Variants in WDR49 observed in about 807,000 individuals in gnomAD.
The protein encoded by WDR49 is WD repeat domain 49.
Under a neutral mutation model 119.5 loss-of-function variants are expected in WDR49, and 107 were observed. That is an observed-to-expected ratio of 0.90 (90% CI 0.77 to 1.05). The LOEUF (loss-of-function observed/expected upper bound fraction) is 1.05. WDR49 is among the 50% of genes least tolerant of loss of function. The probability of loss-of-function intolerance (pLI) is 0.00; values close to 1 mark genes in which losing one functional copy is unlikely to be tolerated. For missense variants in WDR49, 1,240 were observed against 1,220.5 expected, an observed-to-expected ratio of 1.02 and a Z score of -0.24; for synonymous variants, 425 against 418.8, an observed-to-expected ratio of 1.01 and a Z score of -0.18.
chr3:167,618,432 CAA>C (rs1483797872), intron 5 of WDR49, among the ~76,000 whole-genome samples: 1 of 152,110 alleles, frequency 6.6e-6, no homozygotes, highest in Non-Finnish European at 1.5e-5. Flanking sequence ...GATTGACACT[CAA>C]GTCCATAATT....
intron 5 of WDR49, among the ~76,000 whole-genome samples, chr3:167,612,288 A>G (rs970633014): frequency 1.3e-5 from 2 of 152,094 alleles, no homozygotes; most frequent in African/African-American, 4.8e-5. Context: ...GAAACAAATG[A>G]TAATAGAAAA....
intron 8 of WDR49, among the ~76,000 whole-genome samples, chr3:167,560,721 C>T (rs1186123020): frequency 5.3e-5 from 8 of 151,272 alleles, no homozygotes; most frequent in Admixed American, 2.6e-4. Flanking sequence ...TAGTCCTTTG[C>T]TTTCTTTTTT....
At position 167,558,681 on chromosome 3, in the gene WDR49, G is replaced by T. The variant is rs186762943; in HGVS notation, c.1674+1383C>A. Among the ~76,000 whole-genome samples, 16 of 152,240 alleles carry T rather than the reference G, an allele frequency of 1.1e-4. No individual in the cohort carries two copies. In the East Asian group the frequency reaches 2.9e-3, roughly 28 times the overall value. On this transcript the variant is annotated intron_variant, in intron 9 of 18. Transcript: ENST00000682715. ...CACCTTAAATAATTTCCACAAGTAG[G>T]TATTGCAAAGATCTGAATGTCCCCA... is the stretch of plus-strand genomic sequence containing the variant.
intron 8 of WDR49, among the ~76,000 whole-genome samples, chr3:167,564,159 G>A (rs1245161674): frequency 6.6e-6 from 1 of 152,128 alleles, no homozygotes; most frequent in Non-Finnish European, 1.5e-5. Flanking sequence ...ACCTTTCTCT[G>A]CTTATTTAAC....
rs201982768 is a variant in WDR49 at position 167,544,996 on chromosome 3, G to GA, written c.1824-7997dup. Among the ~76,000 whole-genome samples the GA allele has an allele frequency of 8.7e-5, 13 of 149,762 alleles. No individual in the cohort carries two copies. The South Asian group carries it at 1.3e-3, about 15-fold the overall frequency. Reference sequence around the variant, plus strand: ...TACAAGAACTCAAACAAATCAGCAAGAAAAAAAAATTACAAATAATCCCAC... The same window carrying GA: ...TACAAGAACTCAAACAAATCAGCAAGAAAAAAAAAATTACAAATAATCCCAC... On this transcript the variant is annotated intron_variant, in intron 10 of 18. Transcript: ENST00000682715.
chr3:167,632,317 A>G (rs1318661553), intron 2 of WDR49, among the ~76,000 whole-genome samples: 1 of 152,094 alleles, frequency 6.6e-6, no homozygotes, highest in Non-Finnish European at 1.5e-5. Flanking sequence ...ATTGTAAATG[A>G]CAAATTTTCT....
intron 8 of WDR49, among the ~76,000 whole-genome samples, chr3:167,573,824 A>T (rs1209364287): frequency 6.6e-6 from 1 of 152,118 alleles, no homozygotes; most frequent in Non-Finnish European, 1.5e-5. Context: ...TTACTGCTTT[A>T]ACTCCCACGA....
chr3:167,600,369 G>A (rs1230037725), intron 7 of WDR49, among the ~76,000 whole-genome samples: 2 of 152,152 alleles, frequency 1.3e-5, no homozygotes, highest in Non-Finnish European at 2.9e-5. Context: ...CACAGACACT[G>A]TGGTGGGAAA....
At chr3:167,585,060 T>C (rs770501787) in intron 7 of WDR49, among the ~76,000 whole-genome samples, 1 of 152,120 alleles carries the variant, frequency 6.6e-6, no homozygotes, top group Non-Finnish European at 1.5e-5. Flanking sequence ...TAAATATTTA[T>C]AATATTGAGT....
At chr3:167,636,924 T>C (rs1369508348) in intron 2 of WDR49, among the ~76,000 whole-genome samples, 1 of 151,942 alleles carries the variant, frequency 6.6e-6, no homozygotes, top group Non-Finnish European at 1.5e-5. Flanking sequence ...GTGTGAAGAT[T>C]TCCTCCTACC....
intron 11 of WDR49, among the ~76,000 whole-genome samples, chr3:167,533,469 T>G (rs941079386): frequency 6.6e-6 from 1 of 152,104 alleles, no homozygotes; most frequent in African/African-American, 2.4e-5. Flanking sequence ...ATCCTACTTT[T>G]TATTATTGGG....
chr3:167,639,271 A>C (rs1215861659), intron 2 of WDR49, among the ~76,000 whole-genome samples: 1 of 151,754 alleles, frequency 6.6e-6, no homozygotes, highest in African/African-American at 2.4e-5. Context: ...TTATGCATCC[A>C]TAGGATCATA....
At chr3:167,540,876 A>C (rs1711774711) in intron 10 of WDR49, among the ~76,000 whole-genome samples, 1 of 152,150 alleles carries the variant, frequency 6.6e-6, no homozygotes, top group South Asian at 2.1e-4. Context: ...AACTTCTGAA[A>C]ATGAAAGACA....
At chr3:167,488,190 AC>A (rs1750998746) in intron 18 of WDR49, among the ~76,000 whole-genome samples, 2 of 135,884 alleles carry the variant, frequency 1.5e-5, no homozygotes, top group East Asian at 4.4e-4. Context: ...ACACACACAC[AC>A]ACCATGGAAT....
rs1237632689 is a variant in WDR49, at chr3:167,653,303, T to C, written c.123A>G (p.Gln41=). Residue 41 remains glutamine (Q), a synonymous_variant, in exon 2 of 19, where the codon CAA becomes CAG. Coordinates refer to ENST00000682715, the MANE Select transcript of WDR49 (RefSeq NM_001366157.1). ...EDYGTGLLEN[Q]LSVGDFVKIQ... ...TTTTTACAAAGTCACCCACGCTGAG[T>C]TGGTTTTCAAGCAGGCCTGTGCCAT... The C allele has an allele frequency of 2.0e-6, 3 of 1,536,144 alleles. No individual in the cohort carries two copies. The highest frequency in any genetic ancestry group is 2.4e-5 in the East Asian group (1 of 40,896).
At chr3:167,509,658 G>T (rs1015987994) in intron 16 of WDR49, among the ~76,000 whole-genome samples, 1 of 151,984 alleles carries the variant, frequency 6.6e-6, no homozygotes, top group South Asian at 2.1e-4. Context: ...TGACCCAAAG[G>T]CCTTTATGCC....
chr3:167,604,701 T>C (rs983064043), intron 5 of WDR49, among the ~76,000 whole-genome samples: 6 of 152,142 alleles, frequency 3.9e-5, no homozygotes, highest in African/African-American at 9.7e-5. Flanking sequence ...TAGGGAAAGA[T>C]AAGCAGAGAT....
intron 18 of WDR49, among the ~76,000 whole-genome samples, chr3:167,497,966 T>C (rs1320176251): frequency 1.3e-5 from 2 of 150,630 alleles, no homozygotes; most frequent in African/African-American, 2.4e-5. Context: ...CTCAGCCTCC[T>C]GTGTAGCTGG....
Position 167,527,962 on chromosome 3 carries a change from C to G in WDR49, c.2462G>C (p.Arg821Thr). ...NKITKAPTLI[R>T]SFQPHEDRIS... ...TCGGTCCTCATGAGGTTGGAATGAT[C>G]TTATCAGAGTTGGGGCCTTGGTGAT... Residue 821 changes from arginine (R) to threonine (T), a missense_variant, in exon 15 of 19, where the codon AGA becomes ACA. Arg to Thr is a moderately conservative substitution (Grantham distance 71, BLOSUM62 -1). Transcript: ENST00000682715. The G allele has an allele frequency of 6.2e-7, 1 of 1,613,202 alleles. No homozygotes were observed.
Sources: gnomAD v4.1 joint callset for allele counts (sites outside exome capture counted in the v4.1 genomes callset) on GRCh38, gnomAD v4.1.1 for gene constraint, MANE v1.5 for transcripts, NCBI Gene and HGNC (gene_info 2026-07-23, HGNC 2026-07-21) for gene names.